Variants in ZNF254 observed in about 807,000 individuals in gnomAD.
The protein encoded by ZNF254 is CTD-2017D11.1.
Under a neutral mutation model 12.4 loss-of-function variants are expected in ZNF254, and 10 were observed. The ratio of observed to expected loss-of-function variants is 0.80; its 90% CI spans 0.50 to 1.36. The LOEUF (loss-of-function observed/expected upper bound fraction) is 1.36, where lower values mean the gene tolerates loss of function less well. Among genes scored for constraint, ZNF254 ranks in the 40% most tolerant of loss-of-function variants. ZNF254 has a pLI of 0.00. For missense variants in ZNF254, 996 were observed against 763.9 expected (o/e 1.30, Z -3.58); for synonymous variants, 305 against 253.4 (o/e 1.20, Z -1.93).
intron 1 of ZNF254, among the ~76,000 whole-genome samples, chr19:24,038,007 A>G (rs1970029980): frequency 6.6e-6 from 1 of 152,192 alleles, no homozygotes; most frequent in Admixed American, 6.6e-5. Flanking sequence ...TCGGACTCCA[A>G]AAGTCCTGGG....
At chr19:24,096,048 G>GT (rs1972648936) in intron 1 of ZNF254, among the ~76,000 whole-genome samples, 1 of 130,010 alleles carries the variant, frequency 7.7e-6, no homozygotes, top group Non-Finnish European at 1.7e-5. Context: ...CTGATGTGTT[G>GT]TTTTTTAGTT....
At chr19:24,126,089 G>T (rs1029617357) in intron 3 of ZNF254, among the ~76,000 whole-genome samples, 165 bp from the exon 4 acceptor site, 1 of 152,116 alleles carries the variant, frequency 6.6e-6, no homozygotes, top group African/African-American at 2.4e-5. Context: ...ATTTTGGTCT[G>T]AATGTTTTTG....
chr19:24,072,171 C>G (rs1485435541), intron 2 of ZNF254, among the ~76,000 whole-genome samples: 1 of 150,930 alleles, frequency 6.6e-6, no homozygotes, highest in Non-Finnish European at 1.5e-5. Flanking sequence ...TTTTCTTTTT[C>G]ATTTTTTTTT....
intron 2 of ZNF254, among the ~76,000 whole-genome samples, chr19:24,055,784 A>T (rs140139239): frequency 2.6e-5 from 4 of 152,262 alleles, no homozygotes; most frequent in Admixed American, 1.3e-4. Context: ...TGACTTCACT[A>T]ATTAGACAAA....
upstream of ZNF254, among the ~76,000 whole-genome samples, chr19:24,083,582 A>G (rs1249097103): frequency 6.6e-6 from 1 of 152,236 alleles, no homozygotes; most frequent in Non-Finnish European, 1.5e-5. Context: ...GTAGAAGGTA[A>G]TACTGGAAAA....
chr19:24,065,814 CA>C (rs1197917698), intron 2 of ZNF254: 2 of 152,184 alleles, frequency 1.3e-5, no homozygotes, highest in African/African-American at 4.8e-5. Context: ...CAATATATCA[CA>C]TTAGACATTG....
intron 3 of ZNF254, among the ~76,000 whole-genome samples, chr19:24,110,800 G>A (rs973470580): frequency 2.0e-5 from 3 of 150,826 alleles, no homozygotes; most frequent in South Asian, 2.1e-4. Context: ...TTTCATTACT[G>A]GTTTATTTCA....
intron 3 of ZNF254, among the ~76,000 whole-genome samples, chr19:24,116,743 C>T (rs557897845): frequency 6.6e-6 from 1 of 152,200 alleles, no homozygotes; most frequent in Non-Finnish European, 1.5e-5. Flanking sequence ...TGGTGAGGAA[C>T]TGCGTTCCTT....
chr19:24,102,736 T>C (rs187323547), intron 1 of ZNF254, among the ~76,000 whole-genome samples: 2 of 152,332 alleles, frequency 1.3e-5, no homozygotes, highest in African/African-American at 2.4e-5. Flanking sequence ...AGACATTCCA[T>C]TTAGCAACTT....
chr19:24,092,352 T>G (rs1198327797), intron 1 of ZNF254, among the ~76,000 whole-genome samples: 2 of 151,610 alleles, frequency 1.3e-5, no homozygotes, highest in East Asian at 1.9e-4. Context: ...GTATTTTTAG[T>G]AGAGATGGGG....
chr19:24,118,979 T>C lies in ZNF254; in HGVS notation c.254-7275T>C, dbSNP rs1974295886. Among the ~76,000 whole-genome samples, 3 of 151,604 alleles carry C rather than the reference T, an allele frequency of 2.0e-5. No homozygotes were observed. The South Asian group carries it at 6.2e-4, about 32-fold the overall frequency. ...ACAAAAAATTAGCCAGGCGTGGTGG[T>C]GGGTGCGTGTAAACCCAGGCTACTC... On this transcript the variant is annotated intron_variant, in intron 3 of 3. Coordinates refer to ENST00000357002, the MANE Select transcript of ZNF254 (RefSeq NM_203282.4).
chr19:24,120,278 G>A (rs147944213), intron 3 of ZNF254, among the ~76,000 whole-genome samples: 2 of 152,074 alleles, frequency 1.3e-5, no homozygotes, highest in African/African-American at 4.8e-5. Context: ...ACAACATATG[G>A]GAATTAAAGA....
intron 2 of ZNF254, chr19:24,078,428 A>T (rs1045591848): frequency 2.0e-5 from 3 of 152,204 alleles, no homozygotes; most frequent in African/African-American, 7.2e-5. Context: ...TATGCATTTA[A>T]ATATGAATTC....
chr19:24,118,554 T>C (rs1440825613), intron 3 of ZNF254, among the ~76,000 whole-genome samples: 1 of 152,160 alleles, frequency 6.6e-6, no homozygotes, highest in Non-Finnish European at 1.5e-5. Context: ...TGTAAATAAA[T>C]TCATTCAAAT....
Position 24,049,722 on chromosome 19 carries a change from C to T in ZNF254, c.-94+3443C>T, listed in dbSNP as rs144571898. 5.9e-3 allele frequency among the ~76,000 whole-genome samples: 899 copies of T among 151,968 alleles called. 6 individuals are homozygous for T. Among genetic ancestry groups the T allele is most frequent in the South Asian group, 0.043 (206 of 4,800 alleles). Reference sequence around the variant, plus strand: ...GGTTATGTGACTCTTCTGCCTGTGCCCTGCCCATGTGGCCCATTGTGACAT... The same window carrying T: ...GGTTATGTGACTCTTCTGCCTGTGCTCTGCCCATGTGGCCCATTGTGACAT... On this transcript the variant is annotated intron_variant, in intron 2 of 4. Coordinates refer to the ZNF254 transcript ENST00000613065.
chr19:24,128,684 T>C lies in ZNF254; in HGVS notation c.*704T>C, dbSNP rs991500392. 9.9e-5 allele frequency: 15 copies of C among 152,200 alleles called. No individual in the cohort carries two copies. Among genetic ancestry groups the C allele is most frequent in the Non-Finnish European group, 2.2e-4 (15 of 67,930 alleles). The allele number at this position is 152,200 out of a possible 1,614,324, so 9.4% of individuals were successfully genotyped here. ...TATATTTTTGCAGATACATTAAATATGAAAGATATTCAATCCAAAATTAAG... is the reference window on the plus strand; with the variant it reads ...TATATTTTTGCAGATACATTAAATACGAAAGATATTCAATCCAAAATTAAG... On this transcript the variant is annotated 3_prime_UTR_variant, in exon 4 of 4. Coordinates refer to ENST00000357002, the MANE Select transcript of ZNF254 (RefSeq NM_203282.4).
intron 1 of ZNF254, among the ~76,000 whole-genome samples, chr19:24,103,438 C>T (rs1973150290): frequency 6.6e-6 from 1 of 152,098 alleles, no homozygotes; most frequent in South Asian, 2.1e-4. Context: ...AGTGATAATG[C>T]TTAGGTAAGT....
Position 24,075,094 on chromosome 19 carries a change from T to C in ZNF254, c.-94+28815T>C, listed in dbSNP as rs139266209. ...ATGGACTCTTTTCAGGAGGGTATTA[T>C]GAAATATCATTTTGTTTATCACTTA... On this transcript the variant is annotated intron_variant, in intron 2 of 4. Transcript: ENST00000613065. Among the ~76,000 whole-genome samples, 146 of 152,352 alleles carry C rather than the reference T, an allele frequency of 9.6e-4. 1 individual carries two copies. Among genetic ancestry groups the C allele is most frequent in the Admixed American group, 6.0e-3 (92 of 15,304 alleles).
At chr19:24,103,232 T>A (rs963732168) in intron 1 of ZNF254, among the ~76,000 whole-genome samples, 1 of 152,228 alleles carries the variant, frequency 6.6e-6, no homozygotes, top group African/African-American at 2.4e-5. Flanking sequence ...TTTACAAAAG[T>A]GCTGAGTGTA....
Sources: allele counts gnomAD v4.1 joint callset (sites outside exome capture counted in the v4.1 genomes callset), GRCh38; gene constraint gnomAD v4.1.1; transcripts MANE v1.5; gene names NCBI Gene and HGNC (gene_info 2026-07-23, HGNC 2026-07-21).